RGS7: variants seen among roughly 807,000 people sequenced by gnomAD.
The protein encoded by RGS7 is regulator of G-protein signaling 7.
RGS7 carries 27 observed loss-of-function variants against 81.1 expected under a neutral mutation model. That is an observed-to-expected ratio of 0.33 (90% CI 0.25 to 0.46). The LOEUF is 0.46. Ranked by LOEUF, RGS7 falls within the 20% of genes least tolerant of loss-of-function variation. RGS7 has a pLI of 1.00. For missense variants in RGS7, 396 were observed against 607.4 expected (o/e 0.65, Z 3.66); for synonymous variants, 208 against 207.7 (o/e 1.00, Z -0.01).
chr1:240,865,374 G>T (rs1314319244), intron 9 of RGS7, among the ~76,000 whole-genome samples: 1 of 152,176 alleles, frequency 6.6e-6, no homozygotes, highest in East Asian at 1.9e-4. Flanking sequence ...GCAATATCAG[G>T]CCCCAGGCCA....
chr1:241,194,443 G>C (rs2072918456), intron 2 of RGS7, among the ~76,000 whole-genome samples: 1 of 152,182 alleles, frequency 6.6e-6, no homozygotes, highest in Admixed American at 6.5e-5. Context: ...AATGTCTGCA[G>C]TGTAGCTCTA....
At chr1:241,298,545 G>T (rs114627040) in intron 2 of RGS7, among the ~76,000 whole-genome samples, 1 of 152,040 alleles carries the variant, frequency 6.6e-6, no homozygotes, top group Non-Finnish European at 1.5e-5. Flanking sequence ...ATTCCCTGAC[G>T]ACACCTTCTA....
At position 240,806,011 on chromosome 1, in the gene RGS7, G is replaced by A. The variant is rs1688777374; in HGVS notation, c.1269+129C>T. On this transcript the variant is annotated intron_variant, in intron 15 of 18. Coordinates refer to ENST00000440928, the MANE Select transcript of RGS7 (RefSeq NM_001364886.1). The stretch of plus-strand genomic sequence containing the variant: ...TTTGTTCCTTCCTAGATCAGTTAGA[G>A]TTATTTTACAGTTATCTAAATTGAA... 4.8e-6 allele frequency: 4 copies of A among 826,050 alleles called. No individual in the cohort carries two copies. In the Admixed American group the frequency reaches 5.8e-5, roughly 12 times the overall value. The allele number at this position is 826,050 out of a possible 1,614,324, so 51.2% of individuals were successfully genotyped here. A position where few individuals can be genotyped will look rare whatever the true frequency, so the allele number is the denominator to read the frequency against.
rs143474591 is a variant in RGS7 at position 241,057,655 on chromosome 1, T to C, written c.175+41011A>G. Among the ~76,000 whole-genome samples the C allele has an allele frequency of 9.3e-3, 1,415 of 152,268 alleles. 8 individuals carry two copies. Among genetic ancestry groups the C allele is most frequent in the Non-Finnish European group, 0.014 (938 of 68,024 alleles). On this transcript the variant is annotated intron_variant, in intron 3 of 18. Coordinates refer to ENST00000440928, the MANE Select transcript of RGS7 (RefSeq NM_001364886.1). ...ATAGCTGGGCATGGTGGCTCATGTC[T>C]GTAATCCCAGCACTTTGGGAGGCCG... is the stretch of plus-strand genomic sequence containing the variant.
At chr1:241,031,622 T>C (rs1279208706) in intron 3 of RGS7, among the ~76,000 whole-genome samples, 1 of 152,208 alleles carries the variant, frequency 6.6e-6, no homozygotes, top group Non-Finnish European at 1.5e-5. Flanking sequence ...TTTCTCCACA[T>C]CCTCGCCAAC....
chr1:240,955,551 C>CAAAAAAAAAAAAAA (rs369155474), intron 4 of RGS7, among the ~76,000 whole-genome samples: 51 of 140,282 alleles, frequency 3.6e-4, no homozygotes, highest in African/African-American at 1.0e-3. Flanking sequence ...GACTCTGTCT[C>CAAAAAAAAAAAAAA]AAAAAAAAAA....
At chr1:240,986,504 G>A (rs1298392624) in intron 3 of RGS7, among the ~76,000 whole-genome samples, 5 of 151,586 alleles carry the variant, frequency 3.3e-5, no homozygotes, top group Non-Finnish European at 7.4e-5. Context: ...TTTTCACAGA[G>A]TTTAAAAAGA....
chr1:240,901,410 C>T (rs2148199933), intron 6 of RGS7, among the ~76,000 whole-genome samples: 1 of 152,296 alleles, frequency 6.6e-6, no homozygotes, highest in African/African-American at 2.4e-5. Context: ...TCCTATTCAG[C>T]CATCTTGGAA....
intron 3 of RGS7, among the ~76,000 whole-genome samples, chr1:241,014,919 T>C (rs1003898055): frequency 6.6e-6 from 1 of 152,138 alleles, no homozygotes; most frequent in Non-Finnish European, 1.5e-5. Flanking sequence ...CTCCATCACT[T>C]ACATCAAAGG....
intron 9 of RGS7, among the ~76,000 whole-genome samples, chr1:240,866,243 T>G (rs1041580939): frequency 3.9e-5 from 6 of 152,130 alleles, no homozygotes; most frequent in Admixed American, 2.0e-4. Flanking sequence ...CGGGCGCGGT[T>G]GCTCACGCCT....
chr1:241,266,640 T>C (rs2077608682), intron 2 of RGS7, among the ~76,000 whole-genome samples: 2 of 152,240 alleles, frequency 1.3e-5, no homozygotes, highest in Admixed American at 1.3e-4. Flanking sequence ...ATGTATTTTA[T>C]AAAGATTTCT....
At chr1:241,260,336 C>A (rs867885136) in intron 2 of RGS7, among the ~76,000 whole-genome samples, 3 of 152,284 alleles carry the variant, frequency 2.0e-5, no homozygotes, top group Middle Eastern at 3.4e-3. Context: ...TCAAGGCAGC[C>A]CTAAATACCT....
intron 2 of RGS7, among the ~76,000 whole-genome samples, chr1:241,247,965 T>G (rs547173616): frequency 6.6e-6 from 1 of 152,342 alleles, no homozygotes; most frequent in South Asian, 2.1e-4. Flanking sequence ...GTTTCTTGAG[T>G]TTTCTGTATC....
intron 2 of RGS7, among the ~76,000 whole-genome samples, chr1:241,231,249 A>C (rs2075645930): frequency 6.6e-6 from 1 of 152,232 alleles, no homozygotes; most frequent in African/African-American, 2.4e-5. Context: ...TTACAAATGA[A>C]AGAGCCTCTA....
At chr1:240,808,040 A>T (rs1265684381) in intron 14 of RGS7, among the ~76,000 whole-genome samples, 1 of 151,626 alleles carries the variant, frequency 6.6e-6, no homozygotes, top group African/African-American at 2.4e-5. Context: ...CATCTCAAAA[A>T]AAAAAAAAAA....
intron 2 of RGS7, among the ~76,000 whole-genome samples, chr1:241,342,229 T>C (rs1345297701): frequency 6.6e-6 from 1 of 151,914 alleles, no homozygotes; most frequent in Non-Finnish European, 1.5e-5. Context: ...GAAATAACAG[T>C]CCTATGAGAA....
intron 2 of RGS7, among the ~76,000 whole-genome samples, chr1:241,264,472 G>C (rs909393202): frequency 2.0e-5 from 3 of 152,102 alleles, no homozygotes; most frequent in African/African-American, 7.2e-5. Context: ...ACTCCAGCCT[G>C]GGCAACAGAG....
At chr1:240,857,732 A>G (rs2147964720) in intron 9 of RGS7, among the ~76,000 whole-genome samples, 1 of 152,210 alleles carries the variant, frequency 6.6e-6, no homozygotes, top group African/African-American at 2.4e-5. Flanking sequence ...ATCATTGAAA[A>G]ACATTCTGAT....
chr1:241,268,141 T>C (rs1411150201), intron 2 of RGS7, among the ~76,000 whole-genome samples: 3 of 152,200 alleles, frequency 2.0e-5, no homozygotes, highest in Non-Finnish European at 4.4e-5. Context: ...CCAAAGTCAC[T>C]GTCTAGAGGA....
Sources: allele counts gnomAD v4.1 joint callset (sites outside exome capture counted in the v4.1 genomes callset), GRCh38; gene constraint gnomAD v4.1.1; transcripts MANE v1.5; gene names NCBI Gene and HGNC (gene_info 2026-07-23, HGNC 2026-07-21).